Variants in LOC128462377 observed in about 807,000 individuals in gnomAD.
chr16:89,322,508 A>G, the LOC128462377 span, among the ~76,000 whole-genome samples: 1 of 152,224 alleles, frequency 6.6e-6, no homozygotes, highest in East Asian at 1.9e-4. Context: ...TCAGAGGCCC[A>G]GGAGGAGGAA....
the LOC128462377 span, chr16:89,323,336 A>G: frequency 7.8e-7 from 1 of 1,288,592 alleles, no homozygotes; most frequent in Non-Finnish European, 1.0e-6. Context: ...AATCCCAGGT[A>G]TGGAAGAGAA....
the LOC128462377 span, among the ~76,000 whole-genome samples, chr16:89,411,805 G>A: frequency 8.5e-5 from 13 of 152,192 alleles, no homozygotes; most frequent in East Asian, 2.5e-3. Context: ...TCTAGAGTGG[G>A]GAAAAAAAGA....
chr16:89,361,056 C>A, the LOC128462377 span, among the ~76,000 whole-genome samples: 1 of 152,184 alleles, frequency 6.6e-6, no homozygotes, highest in Non-Finnish European at 1.5e-5. Context: ...CCAGGATCAG[C>A]CCACCCCAGC....
At chr16:89,320,524 C>G in the LOC128462377 span, among the ~76,000 whole-genome samples, 3 of 152,120 alleles carry the variant, frequency 2.0e-5, no homozygotes, top group African/African-American at 7.2e-5. Flanking sequence ...CTGGCCCTGA[C>G]CGCCCCCAGG....
At chr16:89,408,014 C>T in the LOC128462377 span, among the ~76,000 whole-genome samples, 1 of 152,122 alleles carries the variant, frequency 6.6e-6, no homozygotes, top group African/African-American at 2.4e-5. Flanking sequence ...TGGTCACTCC[C>T]CAGCTACAGC....
chr16:89,394,527 C>T, the LOC128462377 span, among the ~76,000 whole-genome samples: 1 of 151,976 alleles, frequency 6.6e-6, no homozygotes, highest in Non-Finnish European at 1.5e-5. Flanking sequence ...ACTCGGGAGG[C>T]TGAGGCAGGA....
At chr16:89,363,011 C>T in the LOC128462377 span, among the ~76,000 whole-genome samples, 995 of 151,802 alleles carry the variant, frequency 6.6e-3, 29 homozygotes, top group African/African-American at 0.023. Context: ...CTCCTTTATC[C>T]GGTGTACTCT....
chr16:89,398,765 A>G, the LOC128462377 span, among the ~76,000 whole-genome samples: 1 of 151,832 alleles, frequency 6.6e-6, no homozygotes, highest in Non-Finnish European at 1.5e-5. Context: ...ATCCCAATAC[A>G]CTGTTAGTGT....
chr16:89,379,765 C>A, the LOC128462377 span, among the ~76,000 whole-genome samples: 1 of 152,210 alleles, frequency 6.6e-6, no homozygotes, highest in Admixed American at 6.5e-5. Context: ...AGAACTTGGA[C>A]TGAGTACAAC....
At chr16:89,380,232 C>A in the LOC128462377 span, among the ~76,000 whole-genome samples, 1 of 152,104 alleles carries the variant, frequency 6.6e-6, no homozygotes, top group Non-Finnish European at 1.5e-5. Flanking sequence ...CCTGTCTCTG[C>A]CCCCCGAGTA....
the LOC128462377 span, among the ~76,000 whole-genome samples, chr16:89,359,145 C>G: frequency 6.6e-6 from 1 of 151,968 alleles, no homozygotes; most frequent in Non-Finnish European, 1.5e-5. Flanking sequence ...ATCTAAAAGA[C>G]TGATTCTGGA....
At chr16:89,393,198 G>A in the LOC128462377 span, among the ~76,000 whole-genome samples, 7 of 152,062 alleles carry the variant, frequency 4.6e-5, no homozygotes, top group Non-Finnish European at 7.3e-5. Flanking sequence ...TTGAGAGCAC[G>A]ACGCCAGCCT....
At chr16:89,409,366 T>G in the LOC128462377 span, among the ~76,000 whole-genome samples, 1 of 151,954 alleles carries the variant, frequency 6.6e-6, no homozygotes, top group Non-Finnish European at 1.5e-5. Flanking sequence ...TCAACAGGGG[T>G]GGGGTGGGAA....
chr16:89,363,739 C>T, the LOC128462377 span, among the ~76,000 whole-genome samples: 3 of 152,172 alleles, frequency 2.0e-5, no homozygotes, highest in African/African-American at 4.8e-5. Context: ...TGGAAGAACA[C>T]GGGCCTGCAG....
chr16:89,371,575 C>T, the LOC128462377 span, among the ~76,000 whole-genome samples: 8,947 of 152,242 alleles, frequency 0.059, 400 homozygotes, highest in Admixed American at 0.096. Context: ...CAGGAAGGTC[C>T]AGGCAGGCGC....
At chr16:89,363,512 T>G in the LOC128462377 span, among the ~76,000 whole-genome samples, 1 of 152,064 alleles carries the variant, frequency 6.6e-6, no homozygotes, top group Admixed American at 6.5e-5. Flanking sequence ...CTTGCAAAGT[T>G]TTGAAATCTC....
At chr16:89,382,245 G>C in the LOC128462377 span, among the ~76,000 whole-genome samples, 476 of 152,182 alleles carry the variant, frequency 3.1e-3, no homozygotes, top group African/African-American at 0.01. Context: ...CCCAAGCAAA[G>C]TTAAAAGGTG....
the LOC128462377 span, among the ~76,000 whole-genome samples, chr16:89,331,995 T>A: frequency 1.3e-5 from 2 of 151,998 alleles, no homozygotes; most frequent in Admixed American, 1.3e-4. Flanking sequence ...CAAAAAAAAT[T>A]TAAAAACTCA....
At chr16:89,323,174 C>A in the LOC128462377 span, 1 of 517,988 alleles carries the variant, frequency 1.9e-6, no homozygotes, top group Non-Finnish European at 3.2e-6. Flanking sequence ...AGGAGTGGTG[C>A]CTTGTGCACA....
Sources: allele counts gnomAD v4.1 joint callset (sites outside exome capture counted in the v4.1 genomes callset), GRCh38; gene constraint gnomAD v4.1.1; transcripts MANE v1.5.